Variants in ACTN1 observed in about 807,000 individuals in gnomAD.
ACTN1 encodes actinin alpha 1.
ACTN1 carries 30 observed loss-of-function variants against 119.6 expected under a neutral mutation model. That is an observed-to-expected ratio of 0.25 (90% CI 0.19 to 0.34). The LOEUF is 0.34. Among genes scored for constraint, ACTN1 ranks in the 10% least tolerant of loss-of-function variants. The pLI, the probability that ACTN1 is intolerant of heterozygous loss-of-function variation, is 1.00. For synonymous variants in ACTN1, 429 were observed against 472.6 expected (o/e 0.91, Z 1.20); for missense variants, 764 against 1,223.4 (o/e 0.62, Z 5.60).
intron 1 of ACTN1, among the ~76,000 whole-genome samples, chr14:68,944,607 T>C (rs1301953766): frequency 2.6e-5 from 4 of 152,020 alleles, no homozygotes; most frequent in East Asian, 1.9e-4. Flanking sequence ...CCAGTGCCTA[T>C]AGGAAAGGTC....
chr14:68,959,752 A>C (rs1195471041), intron 1 of ACTN1, among the ~76,000 whole-genome samples: 1 of 152,152 alleles, frequency 6.6e-6, no homozygotes, highest in Non-Finnish European at 1.5e-5. Flanking sequence ...AAAGGGTACA[A>C]ACCTTCCATC....
At chr14:68,973,064 C>G (rs1197405759) in intron 1 of ACTN1, among the ~76,000 whole-genome samples, 3 of 152,162 alleles carry the variant, frequency 2.0e-5, no homozygotes, top group African/African-American at 7.2e-5. Flanking sequence ...TCACCATGCC[C>G]AGATAACCAG....
At chr14:68,895,378 C>G (rs10151704) in intron 8 of ACTN1, among the ~76,000 whole-genome samples, 27,012 of 152,114 alleles carry the variant, frequency 0.18, 2,560 homozygotes, top group African/African-American at 0.23. Context: ...TCCCAAGAAG[C>G]AACGAAGAGG....
chr14:68,939,145 T>G (rs937017115), intron 1 of ACTN1, among the ~76,000 whole-genome samples: 3 of 152,146 alleles, frequency 2.0e-5, no homozygotes, highest in Non-Finnish European at 4.4e-5. Context: ...AGCTCCTTCT[T>G]GCCTGGTACA....
chr14:68,918,162 ACCTTC>A (rs1261424412), intron 3 of ACTN1, among the ~76,000 whole-genome samples: 4 of 152,082 alleles, frequency 2.6e-5, no homozygotes, highest in African/African-American at 9.7e-5. Context: ...CAGGTGAATG[ACCTTC>A]CCAGCACAGC....
chr14:68,953,950 A>C (rs1392742588), intron 1 of ACTN1, among the ~76,000 whole-genome samples: 1 of 152,140 alleles, frequency 6.6e-6, no homozygotes, highest in African/African-American at 2.4e-5. Context: ...ATGATGCTTC[A>C]GATAGAAATT....
intron 8 of ACTN1, among the ~76,000 whole-genome samples, chr14:68,899,718 C>A (rs1461149623): frequency 6.6e-6 from 1 of 152,234 alleles, no homozygotes; most frequent in South Asian, 2.1e-4. Flanking sequence ...GCTTCAGAGA[C>A]AGGGAAGGCC....
At chr14:68,923,125 G>A (rs753310860) in intron 2 of ACTN1, among the ~76,000 whole-genome samples, 2 of 152,178 alleles carry the variant, frequency 1.3e-5, no homozygotes, top group South Asian at 2.1e-4. Context: ...GGACAAGCCC[G>A]GCTCTGGGCA....
At position 68,878,324 on chromosome 14, in the gene ACTN1, A is replaced by G; in HGVS notation, c.2427+134T>C. The G allele has an allele frequency of 7.6e-7, 1 of 1,317,504 alleles. No homozygotes were observed. Among genetic ancestry groups the G allele is most frequent in the South Asian group, 1.6e-5 (1 of 61,904 alleles). The allele number at this position is 1,317,504 out of a possible 1,614,324, so 81.6% of individuals were successfully genotyped here. A position where few individuals can be genotyped will look rare whatever the true frequency, so the allele number is the denominator to read the frequency against. On this transcript the variant is annotated intron_variant, in intron 20 of 21. Coordinates refer to ENST00000394419, the MANE Select transcript of ACTN1 (RefSeq NM_001130004.2). This position sits in a 1 kb window ranked among gnomAD's most constrained non-coding sequence, Gnocchi z 4.4. ...TCAGGGAGCCATCTTCCCCAAGGAC[A>G]TGGGCCCTGGGGCTCCTCCAGGGAG...
chr14:68,920,999 G>A lies in ACTN1; in HGVS notation c.340+7C>T. On this transcript the variant is annotated splice_region_variant and intron_variant, in intron 3 of 21. Transcript: ENST00000394419. ...GGCTCCTTGGGGCCACCAGAGGTAG[G>A]CCTTACCTTCGGCTCCGATGGACAC... 6.2e-6 allele frequency: 10 copies of A among 1,613,960 alleles called. No individual in the cohort carries two copies. Among genetic ancestry groups the A allele is most frequent in the East Asian group, 4.5e-5 (2 of 44,884 alleles).
At chr14:68,896,018 ACTG>A (rs2032851916) in intron 8 of ACTN1, among the ~76,000 whole-genome samples, 1 of 152,198 alleles carries the variant, frequency 6.6e-6, no homozygotes, top group Non-Finnish European at 1.5e-5. Context: ...AAGGAGACTG[ACTG>A]AGAATACCAT....
At chr14:68,971,290 T>A (rs186341447) in intron 1 of ACTN1, among the ~76,000 whole-genome samples, 11 of 152,350 alleles carry the variant, frequency 7.2e-5, no homozygotes, top group Admixed American at 2.0e-4. Flanking sequence ...TGTGAACTAT[T>A]CGTCTTTGTA....
rs1233274482 is a variant in ACTN1 at position 68,909,787 on chromosome 14, C to CG, written c.515+167dup. Among the ~76,000 whole-genome samples the CG allele has an allele frequency of 1.3e-5, 2 of 152,104 alleles. No homozygotes were observed. The highest frequency in any genetic ancestry group is 2.9e-5 in the Non-Finnish European group (2 of 68,010). On this transcript the variant is annotated intron_variant, in intron 5 of 21. Transcript: ENST00000394419. The surrounding 1 kb of genome is among the most constrained non-coding windows in gnomAD (Gnocchi z 4.1). ...ATCTAAGACACTGCAGGGAGAGAGACGGGGGGATTCAGAGCGATGGCGACA... is the reference window on the plus strand; with the variant it reads ...ATCTAAGACACTGCAGGGAGAGAGACGGGGGGGATTCAGAGCGATGGCGACA...
At chr14:68,958,455 T>C (rs1195713635) in intron 1 of ACTN1, among the ~76,000 whole-genome samples, 1 of 152,168 alleles carries the variant, frequency 6.6e-6, no homozygotes, top group East Asian at 1.9e-4. Context: ...TAATTCTTAT[T>C]TTCTTCTTTG....
In ACTN1 at chr14:68,880,781, C is replaced by T. The variant is rs762131288; in HGVS notation, c.2133+29G>A. On this transcript the variant is annotated intron_variant, in intron 17 of 21. Coordinates refer to ENST00000394419, the MANE Select transcript of ACTN1 (RefSeq NM_001130004.2). This position sits in a 1 kb window ranked among gnomAD's most constrained non-coding sequence, Gnocchi z 4.6. ...AAGAGCAGAAGGGGCCACGGGCTCC[C>T]GAAGAGGAACAAGGCCAGCCCCACC... 2.2e-5 allele frequency: 35 copies of T among 1,608,142 alleles called. No homozygotes were observed. The highest frequency in any genetic ancestry group is 8.4e-5 in the Admixed American group (5 of 59,832).
At chr14:68,936,637 A>G (rs1009217212) in intron 1 of ACTN1, 4 of 610,756 alleles carry the variant, frequency 6.5e-6, no homozygotes, top group African/African-American at 5.6e-5. Flanking sequence ...AGTTCGTGGC[A>G]GAGCCCATGG....
Position 68,885,414 on chromosome 14 carries a change from G to T in ACTN1, c.1385+11C>A. On this transcript the variant is annotated intron_variant, in intron 12 of 21. Transcript: ENST00000394419. This position sits in a 1 kb window ranked among gnomAD's most constrained non-coding sequence, Gnocchi z 5.6. ...CCTCACCACAGGGTAGGGGTGTCTG[G>T]GGCCACCTACTTGAGCTCCTGTGCG... The T allele has an allele frequency of 6.2e-7, 1 of 1,605,760 alleles. No individual in the cohort carries two copies. The highest frequency in any genetic ancestry group is 8.5e-7 in the Non-Finnish European group (1 of 1,174,550).
chr14:68,956,841 C>A (rs568357198), intron 1 of ACTN1, among the ~76,000 whole-genome samples: 14 of 152,202 alleles, frequency 9.2e-5, no homozygotes, highest in Middle Eastern at 3.4e-3. Flanking sequence ...GTTGGACCAG[C>A]CTTTAGAGTT....
intron 1 of ACTN1, among the ~76,000 whole-genome samples, chr14:68,961,076 G>T (rs574413348): frequency 6.6e-6 from 1 of 151,946 alleles, no homozygotes; most frequent in Non-Finnish European, 1.5e-5. Flanking sequence ...TCTCTAAAAC[G>T]AAATAACAAA....
Sources: allele counts gnomAD v4.1 joint callset (sites outside exome capture counted in the v4.1 genomes callset), GRCh38; gene constraint gnomAD v4.1.1; non-coding constraint Gnocchi (gnomAD v3.1); transcripts MANE v1.5; gene names NCBI Gene and HGNC (gene_info 2026-07-23, HGNC 2026-07-21).